CX3CR1: variants seen among roughly 807,000 people sequenced by gnomAD.
CX3CR1 encodes C-X3-C motif chemokine receptor 1, also known as CX3C chemokine receptor 1.
For missense variants in CX3CR1, 363 were observed against 432.4 expected, an observed-to-expected ratio of 0.84 and a Z score of 1.42; for synonymous variants, 168 against 178.5, an observed-to-expected ratio of 0.94 and a Z score of 0.47.
chr3:39,270,808 C>T (rs1031101135), intron 1 of CX3CR1, among the ~76,000 whole-genome samples: 1 of 151,988 alleles, frequency 6.6e-6, no homozygotes, highest in African/African-American at 2.4e-5. Flanking sequence ...TTAATTAATT[C>T]GTTTGGAATT....
In CX3CR1 at chr3:39,263,890, T is replaced by C. The variant is rs1391335806; in HGVS notation, c.*1552A>G. ...ACAGGAATGACAATATTGATGTGGT[T>C]AGATTGGATGACTTTTTCTTTAGCA... On this transcript the variant is annotated 3_prime_UTR_variant, in exon 2 of 2. Transcript: ENST00000399220. The C allele has an allele frequency of 2.6e-5, 4 of 152,138 alleles. No homozygotes were observed. The highest frequency in any genetic ancestry group is 9.6e-5 in the African/African-American group (4 of 41,454). The allele number at this position is 152,138 out of a possible 1,614,324, so 9.4% of individuals were successfully genotyped here.
chr3:39,289,017 G>A, the CX3CR1 span, among the ~76,000 whole-genome samples: 2 of 152,080 alleles, frequency 1.3e-5, no homozygotes, highest in South Asian at 2.1e-4. Context: ...AGCCAGGCAT[G>A]GTGGCGTGCA....
At chr3:39,284,004 C>T (rs1192726069), upstream of CX3CR1, among the ~76,000 whole-genome samples, 3 of 151,356 alleles carry the variant, frequency 2.0e-5, no homozygotes, top group African/African-American at 7.3e-5. Context: ...TGAGGTGATG[C>T]ATACCCCATT....
rs1480522776 is a variant in CX3CR1, at chr3:39,266,476, A to G, written c.34T>C (p.Phe12Leu). 1.9e-6 allele frequency: 3 copies of G among 1,613,892 alleles called. No individual in the cohort carries two copies. Among genetic ancestry groups the G allele is most frequent in the African/African-American group, 1.3e-5 (1 of 74,918 alleles). ...DQFPESVTEN[F>L]EYDDLAEACY... is the part of the protein sequence containing the mutation. The stretch of plus-strand genomic sequence containing the variant: ...GCCTCAGCCAAATCATCGTACTCAA[A>G]GTTTTCTGTCACTGATTCAGGGAAC... The change falls in exon 2 of 2, where the codon TTT becomes CTT. Residue 12 changes from phenylalanine (F) to leucine (L), a missense_variant. Phe to Leu is a conservative substitution (Grantham distance 22, BLOSUM62 0). Coordinates refer to ENST00000399220, the MANE Select transcript of CX3CR1 (RefSeq NM_001337.4).
At chr3:39,290,174 G>C in the CX3CR1 span, among the ~76,000 whole-genome samples, 1 of 152,322 alleles carries the variant, frequency 6.6e-6, no homozygotes, top group Admixed American at 6.5e-5. Context: ...GCTTGTGCTG[G>C]ACACGTCTAA....
intron 1 of CX3CR1, 67 bp downstream of exon 1, chr3:39,279,887 T>C (rs2040876879): frequency 4.3e-6 from 3 of 703,840 alleles, no homozygotes; most frequent in Non-Finnish European, 5.2e-6. Context: ...AAACAGGCAT[T>C]ATTAACCTAT....
At chr3:39,268,354 T>C (rs1400678853) in intron 1 of CX3CR1, among the ~76,000 whole-genome samples, 1 of 152,220 alleles carries the variant, frequency 6.6e-6, no homozygotes, top group Non-Finnish European at 1.5e-5. Flanking sequence ...TTAAGTCAAA[T>C]GGTATAAAAT....
chr3:39,278,098 C>G (rs1428692461), intron 1 of CX3CR1, among the ~76,000 whole-genome samples: 1 of 152,212 alleles, frequency 6.6e-6, no homozygotes, highest in Non-Finnish European at 1.5e-5. Context: ...TTCCTGACTT[C>G]ATTCCTTCAT....
rs2040664971 is a variant in CX3CR1, at chr3:39,264,383, C to T, written c.*1059G>A. On this transcript the variant is annotated 3_prime_UTR_variant, in exon 2 of 2. Coordinates refer to ENST00000399220, the MANE Select transcript of CX3CR1 (RefSeq NM_001337.4). Reference sequence around the variant, plus strand: ...ATGTGAAAGGTACCTTATCCCTCTTCTACAGACCAGGAAACTGAAGCTTGA... The same window carrying T: ...ATGTGAAAGGTACCTTATCCCTCTTTTACAGACCAGGAAACTGAAGCTTGA... 1 of 152,274 alleles carries T rather than the reference C, an allele frequency of 6.6e-6. No individual in the cohort carries two copies. The highest frequency in any genetic ancestry group is 1.5e-5 in the Non-Finnish European group (1 of 68,072). The allele number at this position is 152,274 out of a possible 1,614,324, so 9.4% of individuals were successfully genotyped here.
upstream of CX3CR1, chr3:39,280,965 T>A: frequency 2.3e-6 from 1 of 437,462 alleles, no homozygotes; most frequent in Non-Finnish European, 3.0e-6. Context: ...TACACCTTCA[T>A]TAAATGGTCT....
Position 39,265,617 on chromosome 3 carries a change from T to A in CX3CR1, c.893A>T (p.Glu298Val). 1 of 1,614,110 alleles carries A rather than the reference T, an allele frequency of 6.2e-7. No individual in the cohort carries two copies. ...GTGGTAAAGGTATCTTCTGAACTTC[T>A]CCCCAGCAAATGCATAGATGAGAGG... ...LNPLIYAFAG[E>V]KFRRYLYHLY... The change falls in exon 2 of 2, where the codon GAG (glutamate) becomes GTG (valine). Residue 298 changes from glutamate to valine, a missense_variant. Coordinates refer to ENST00000399220, the MANE Select transcript of CX3CR1 (RefSeq NM_001337.4).
In CX3CR1 at chr3:39,265,590, A is replaced by G; in HGVS notation, c.920T>C (p.Leu307Pro). 6.2e-7 allele frequency: 1 copy of G among 1,614,184 alleles called. No individual in the cohort carries two copies. Among genetic ancestry groups the G allele is most frequent in the Non-Finnish European group, 8.5e-7 (1 of 1,180,028 alleles). The change falls in exon 2 of 2, where the codon CTG (leucine) becomes CCG (proline). Residue 307 changes from leucine to proline, a missense_variant. Coordinates refer to ENST00000399220, the MANE Select transcript of CX3CR1 (RefSeq NM_001337.4). ...CAGGACAGCCAGGCATTTCCCATACAGGTGGTAAAGGTATCTTCTGAACTT... is the reference window on the plus strand; with the variant it reads ...CAGGACAGCCAGGCATTTCCCATACGGGTGGTAAAGGTATCTTCTGAACTT... ...GEKFRRYLYH[L>P]YGKCLAVLCG...
At chr3:39,274,807 A>G (rs1447680096) in intron 1 of CX3CR1, among the ~76,000 whole-genome samples, 1 of 152,188 alleles carries the variant, frequency 6.6e-6, no homozygotes, top group Non-Finnish European at 1.5e-5. Flanking sequence ...CTTGTTAAAA[A>G]TAAGGACAGA....
intron 1 of CX3CR1, among the ~76,000 whole-genome samples, chr3:39,273,213 TG>T (rs1168090970): frequency 6.6e-6 from 1 of 152,366 alleles, no homozygotes; most frequent in East Asian, 1.9e-4. Context: ...CTGAATTCGT[TG>T]GGGTTCTCCC....
chr3:39,267,576 C>G (rs1386186184), intron 1 of CX3CR1, among the ~76,000 whole-genome samples: 1 of 152,194 alleles, frequency 6.6e-6, no homozygotes, highest in Non-Finnish European at 1.5e-5. Context: ...TTGGGAACCC[C>G]TCAGTCCCAG....
At chr3:39,269,676 G>A (rs2040752068) in intron 1 of CX3CR1, among the ~76,000 whole-genome samples, 1 of 152,116 alleles carries the variant, frequency 6.6e-6, no homozygotes, top group African/African-American at 2.4e-5. Context: ...GCCATCCAGG[G>A]GGTCTGCTCA....
At chr3:39,274,002 G>T (rs907921561) in intron 1 of CX3CR1, among the ~76,000 whole-genome samples, 1 of 152,182 alleles carries the variant, frequency 6.6e-6, no homozygotes, top group Admixed American at 6.5e-5. Flanking sequence ...CAGAGAGGCT[G>T]CCCAGCAGCC....
Position 39,263,666 on chromosome 3 carries a change from AAC to A in CX3CR1, c.*1774_*1775del, listed in dbSNP as rs2040652042. 1 of 152,270 alleles carries A rather than the reference AAC, an allele frequency of 6.6e-6. No homozygotes were observed. The highest frequency in any genetic ancestry group is 2.4e-5 in the African/African-American group (1 of 41,472). The allele number at this position is 152,270 out of a possible 1,614,324, so 9.4% of individuals were successfully genotyped here. On this transcript the variant is annotated 3_prime_UTR_variant, in exon 2 of 2. Coordinates refer to ENST00000399220, the MANE Select transcript of CX3CR1 (RefSeq NM_001337.4). Reference sequence around the variant, plus strand: ...AGAGCTATCAGATACACAGCAATTTAACAGTTACCACATCTGACTTCAATGAA... The same window carrying A: ...AGAGCTATCAGATACACAGCAATTTAAGTTACCACATCTGACTTCAATGAA...
At chr3:39,273,438 TC>T (rs2040802831) in intron 1 of CX3CR1, among the ~76,000 whole-genome samples, 1 of 152,204 alleles carries the variant, frequency 6.6e-6, no homozygotes. Context: ...TTTTCTGCCT[TC>T]AAATATATGA....
Sources: allele counts gnomAD v4.1 joint callset (sites outside exome capture counted in the v4.1 genomes callset), GRCh38; gene constraint gnomAD v4.1.1; transcripts MANE v1.5; gene names NCBI Gene and HGNC (gene_info 2026-07-23, HGNC 2026-07-21).